TLN2: variants seen among roughly 807,000 people sequenced by gnomAD.
TLN2 encodes the protein talin-2.
Under a neutral mutation model 294.7 loss-of-function variants are expected in TLN2, and 118 were observed. That is an observed-to-expected ratio of 0.40 (90% CI 0.34 to 0.47). The LOEUF (loss-of-function observed/expected upper bound fraction) is 0.47. TLN2 is among the 20% of genes least tolerant of loss of function. The pLI, the probability that TLN2 is intolerant of heterozygous loss-of-function variation, is 0.84. For synonymous variants in TLN2, 1,431 were observed against 1,304.5 expected (o/e 1.10, Z -2.09); for missense variants, 3,083 against 3,282.2 (o/e 0.94, Z 1.48).
At chr15:62,512,497 A>C (rs2039982636) in intron 1 of TLN2, among the ~76,000 whole-genome samples, 1 of 152,178 alleles carries the variant, frequency 6.6e-6, no homozygotes, top group African/African-American at 2.4e-5. Flanking sequence ...ACTCATAACT[A>C]AATAGACCAC....
In TLN2 at chr15:62,833,482, T is replaced by C. The variant is rs375825702; in HGVS notation, c.7003-22T>C. 5.0e-6 allele frequency: 8 copies of C among 1,611,714 alleles called. No individual in the cohort carries two copies. In the African/African-American group the frequency reaches 9.3e-5, roughly 19 times the overall value. On this transcript the variant is annotated intron_variant, in intron 54 of 58. Coordinates refer to ENST00000636159, the MANE Select transcript of TLN2 (RefSeq NM_015059.3). ...CTTTGTGGATATGAATTGAATGTGA[T>C]GCTGTTTTCTTTTGGTTATAGCAAG...
chr15:62,413,464 A>T (rs1191575003), intron 1 of TLN2, among the ~76,000 whole-genome samples: 1 of 152,134 alleles, frequency 6.6e-6, no homozygotes, highest in South Asian at 2.1e-4. Flanking sequence ...GGAAAGAAAA[A>T]TCTCAAGCCA....
At chr15:62,391,348 C>T (rs1055371663) in intron 1 of TLN2, among the ~76,000 whole-genome samples, 2 of 152,232 alleles carry the variant, frequency 1.3e-5, no homozygotes, top group African/African-American at 4.8e-5. Context: ...GGGGCAGTGC[C>T]GGGCCGAGAG....
At chr15:62,500,205 G>A (rs1221334650) in intron 1 of TLN2, among the ~76,000 whole-genome samples, 1 of 152,114 alleles carries the variant, frequency 6.6e-6, no homozygotes, top group Admixed American at 6.5e-5. Context: ...AGGTGTGGTG[G>A]CGCATGCCTG....
rs116506867 is a variant in TLN2, at chr15:62,526,883, G to A, written c.-237-62804G>A. ...AAGCCATGAATACTTGGAAAGTGAAGTACTAGCATTCACAAAAGTGAGGTG... is the reference window on the plus strand; with the variant it reads ...AAGCCATGAATACTTGGAAAGTGAAATACTAGCATTCACAAAAGTGAGGTG... On this transcript the variant is annotated intron_variant, in intron 1 of 58. Coordinates refer to ENST00000636159, the MANE Select transcript of TLN2 (RefSeq NM_015059.3). Among the ~76,000 whole-genome samples the A allele has an allele frequency of 1.8e-3, 271 of 152,292 alleles. 2 individuals carry two copies. The highest frequency in any genetic ancestry group is 6.1e-3 in the African/African-American group (255 of 41,568).
intron 54 of TLN2, chr15:62,830,730 A>AAAAT (rs1396996758): frequency 7.2e-5 from 11 of 152,204 alleles, no homozygotes; most frequent in African/African-American, 2.7e-4. Flanking sequence ...GGCATACAGG[A>AAAAT]AAATAGGGAC....
chr15:62,739,425 T>C lies in TLN2; in HGVS notation c.3765T>C (p.Ala1255=). 1 of 1,614,200 alleles carries C rather than the reference T, an allele frequency of 6.2e-7. No homozygotes were observed. The highest frequency in any genetic ancestry group is 8.5e-7 in the Non-Finnish European group (1 of 1,180,028). The change falls in exon 31 of 59, where the codon GCT becomes GCC. Residue 1255 remains alanine (A), a synonymous_variant. Transcript: ENST00000636159. ...CAGCAGCTGATCTGAACCAGTCTGC[T>C]GGGGAAGTGGTCCATGCCACCCGGG... The part of the protein sequence containing the change: ...NQAAADLNQS[A]GEVVHATRGQ...
chr15:62,840,242 C>A (rs529112656), intron 58 of TLN2, among the ~76,000 whole-genome samples: 2 of 152,242 alleles, frequency 1.3e-5, no homozygotes, highest in Admixed American at 6.5e-5. Context: ...AGTAAGGCTG[C>A]AAGAGATGTT....
At chr15:62,813,404 A>G (rs766902859) in intron 52 of TLN2, among the ~76,000 whole-genome samples, 2 of 152,228 alleles carry the variant, frequency 1.3e-5, no homozygotes, top group Non-Finnish European at 2.9e-5. Context: ...AGTTGGTACT[A>G]AAATGAAATC....
chr15:62,576,893 C>T (rs1320548821), intron 1 of TLN2, among the ~76,000 whole-genome samples: 5 of 151,996 alleles, frequency 3.3e-5, no homozygotes, highest in Admixed American at 6.5e-5. Flanking sequence ...CTCATGTAGG[C>T]GAGTGGAGTA....
chr15:62,816,537 G>C (rs1467822638), intron 52 of TLN2, among the ~76,000 whole-genome samples: 1 of 152,182 alleles, frequency 6.6e-6, no homozygotes, highest in Non-Finnish European at 1.5e-5. Context: ...GCTGTTCCCT[G>C]TCTGAGGGCT....
rs772217253 is a variant in TLN2, at chr15:62,792,767, G to T, written c.5863G>T (p.Ala1955Ser). The T allele has an allele frequency of 8.1e-6, 13 of 1,613,894 alleles. No homozygotes were observed. Among genetic ancestry groups the T allele is most frequent in the Non-Finnish European group, 1.1e-5 (13 of 1,180,030 alleles). ...CACCAAGAGGGAGCTGATCGAATGCGCCCGTGCCGTCACGGAAAAGGTAAG... is the reference window on the plus strand; with the variant it reads ...CACCAAGAGGGAGCTGATCGAATGCTCCCGTGCCGTCACGGAAAAGGTAAG... ...SYTKRELIEC[A>S]RAVTEKVSLV... Residue 1955 changes from alanine to serine, a missense_variant, in exon 46 of 59, where the codon GCC becomes TCC. Ala to Ser is a moderately conservative substitution (Grantham distance 99, BLOSUM62 1). Transcript: ENST00000636159.
rs553978972 is a variant in TLN2, at chr15:62,702,728, C to T, written c.1906-38C>T. On this transcript the variant is annotated intron_variant, in intron 18 of 58. Coordinates refer to ENST00000636159, the MANE Select transcript of TLN2 (RefSeq NM_015059.3). ...ATGTCTGATGGCACTGGAGGAAATG[C>T]GTTTTCTTTCCAATTAAGGTGTGTT... 5.7e-5 allele frequency: 91 copies of T among 1,586,606 alleles called. No homozygotes were observed. The Middle Eastern group carries it at 8.3e-4, about 15-fold the overall frequency.
chr15:62,585,726 C>G lies in TLN2; in HGVS notation c.-237-3961C>G, dbSNP rs191401387. Among the ~76,000 whole-genome samples, 168 of 152,292 alleles carry G rather than the reference C, an allele frequency of 1.1e-3. 2 individuals are homozygous for G. The highest frequency in any genetic ancestry group is 8.8e-5 in the Non-Finnish European group (6 of 68,026). On this transcript the variant is annotated intron_variant, in intron 1 of 58. Coordinates refer to ENST00000636159, the MANE Select transcript of TLN2 (RefSeq NM_015059.3). ...ACTTTAAATAGCAAGCTCCTGGTCC[C>G]TTTGAAATAAGCTCCTATTTGCTTG...
intron 18 of TLN2, 53 bp downstream of exon 18, chr15:62,702,253 A>G: frequency 6.6e-7 from 1 of 1,518,208 alleles, no homozygotes; most frequent in Non-Finnish European, 8.9e-7. Flanking sequence ...AGCTGCATCC[A>G]CTGGGGGACC....
At position 62,534,159 on chromosome 15, in the gene TLN2, T is replaced by TA. The variant is rs1307918208; in HGVS notation, c.-237-55527dup. On this transcript the variant is annotated intron_variant, in intron 1 of 58. Coordinates refer to ENST00000636159, the MANE Select transcript of TLN2 (RefSeq NM_015059.3). ...CAGTGTGTAGGGATTTCTCCCCACA[T>TA]ACTCACCAAGCAATTCTCCAGGGGA... Among the ~76,000 whole-genome samples the TA allele has an allele frequency of 1.1e-4, 16 of 151,916 alleles. 1 individual carries two copies. Among genetic ancestry groups the TA allele is most frequent in the Admixed American group, 1.0e-3 (16 of 15,278 alleles).
At chr15:62,417,031 C>T (rs2034124806) in intron 1 of TLN2, among the ~76,000 whole-genome samples, 1 of 152,114 alleles carries the variant, frequency 6.6e-6, no homozygotes. Context: ...ATCTATTCCG[C>T]AGATCATCGA....
chr15:62,573,995 C>A (rs1051399458), intron 1 of TLN2, among the ~76,000 whole-genome samples: 2 of 152,090 alleles, frequency 1.3e-5, no homozygotes, highest in Non-Finnish European at 2.9e-5. Context: ...AAAGATGCAG[C>A]CCTTCCTGGG....
At chr15:62,735,172 A>G (rs569297574) in intron 28 of TLN2, among the ~76,000 whole-genome samples, 30 of 152,354 alleles carry the variant, frequency 2.0e-4, no homozygotes, top group Admixed American at 3.3e-4. Flanking sequence ...TGGGCAAGAT[A>G]TGTCTCAGCA....
Sources: allele counts gnomAD v4.1 joint callset (sites outside exome capture counted in the v4.1 genomes callset), GRCh38; gene constraint gnomAD v4.1.1; transcripts MANE v1.5; gene names NCBI Gene and HGNC (gene_info 2026-07-23, HGNC 2026-07-21).